GREB1L: variants seen among roughly 807,000 people sequenced by gnomAD.
GREB1L encodes GREB1 like retinoic acid receptor coactivator.
GREB1L carries 17 observed loss-of-function variants against 200.8 expected under a neutral mutation model. The ratio of observed to expected loss-of-function variants is 0.08; its 90% CI spans 0.06 to 0.13. The LOEUF is 0.13. Among genes scored for constraint, GREB1L ranks in the 10% least tolerant of loss-of-function variants. The pLI, the probability that GREB1L is intolerant of heterozygous loss-of-function variation, is 1.00. For missense variants in GREB1L, 1,657 were observed against 2,367.7 expected (o/e 0.70, Z 6.23); for synonymous variants, 789 against 893.0 (o/e 0.88, Z 2.08).
At chr18:21,392,579 T>TAAAAGTCA in intron 4 of GREB1L, among the ~76,000 whole-genome samples, 1 of 152,100 alleles carries the variant, frequency 6.6e-6, no homozygotes, top group South Asian at 2.1e-4. Flanking sequence ...AATTGACTTT[T>TAAAAGTCA]ATTAATGTTA....
At position 21,505,583 on chromosome 18, in the gene GREB1L, CA is replaced by C; in HGVS notation, c.4228+18del. The C allele has an allele frequency of 6.4e-7, 1 of 1,550,936 alleles. No individual in the cohort carries two copies. The highest frequency in any genetic ancestry group is 1.2e-5 in the South Asian group (1 of 84,032). On this transcript the variant is annotated intron_variant, in intron 24 of 32. Coordinates refer to ENST00000424526, the MANE Select transcript of GREB1L (RefSeq NM_001142966.3). Reference sequence around the variant, plus strand: ...GTCAAACAAGGTCAGTGCAATCAGCCAAGTTCACCTCCTCTCTGGGTTAAGG... The same window carrying C: ...GTCAAACAAGGTCAGTGCAATCAGCCAGTTCACCTCCTCTCTGGGTTAAGG...
intron 1 of GREB1L, among the ~76,000 whole-genome samples, chr18:21,309,551 C>A (rs2038758181): frequency 6.6e-6 from 1 of 152,136 alleles, no homozygotes; most frequent in Non-Finnish European, 1.5e-5. Flanking sequence ...ATCTAAGGGC[C>A]ATGGGGGTAG....
At chr18:21,397,049 T>C (rs1321583150) in intron 5 of GREB1L, among the ~76,000 whole-genome samples, 2 of 152,200 alleles carry the variant, frequency 1.3e-5, no homozygotes, top group Non-Finnish European at 2.9e-5. Flanking sequence ...TTCCTAGTTA[T>C]ATAGTGTCAT....
chr18:21,243,175 C>T (rs2037533575), intron 1 of GREB1L, among the ~76,000 whole-genome samples: 1 of 152,024 alleles, frequency 6.6e-6, no homozygotes, highest in Non-Finnish European at 1.5e-5. Flanking sequence ...GAGGGAGACT[C>T]GTTAAAGGAA....
chr18:21,338,927 G>A (rs190298102), intron 1 of GREB1L, among the ~76,000 whole-genome samples: 188 of 152,316 alleles, frequency 1.2e-3, no homozygotes, highest in African/African-American at 4.2e-3. Context: ...AGTGGCTTAC[G>A]CCTGTAATCC....
intron 25 of GREB1L, among the ~76,000 whole-genome samples, chr18:21,506,905 C>A (rs766221721): frequency 1.3e-5 from 2 of 152,178 alleles, no homozygotes; most frequent in Non-Finnish European, 2.9e-5. Flanking sequence ...TCCCCAAATT[C>A]ATCTTTATTT....
intron 19 of GREB1L, among the ~76,000 whole-genome samples, chr18:21,494,405 C>G (rs72882857): frequency 1.2e-4 from 19 of 152,112 alleles, no homozygotes; most frequent in Admixed American, 1.2e-3. Context: ...CTTTATTGAG[C>G]CTTTTCTTTA....
At position 21,464,551 on chromosome 18, in the gene GREB1L, A is replaced by G. The variant is rs549291983; in HGVS notation, c.2183-8480A>G. Among the ~76,000 whole-genome samples the G allele has an allele frequency of 2.9e-3, 437 of 151,890 alleles. 3 individuals carry two copies. In the South Asian group the frequency reaches 0.036, roughly 13 times the overall value. On this transcript the variant is annotated intron_variant, in intron 15 of 32. Transcript: ENST00000424526. Reference sequence around the variant, plus strand: ...GAGAGAGACACCATCTCAAAAAAAAAAAAAAAAAAAAAGTCAGGGAACAAA... The same window carrying G: ...GAGAGAGACACCATCTCAAAAAAAAGAAAAAAAAAAAAGTCAGGGAACAAA...
chr18:21,347,107 G>A (rs1189144905), intron 1 of GREB1L, among the ~76,000 whole-genome samples: 11 of 151,878 alleles, frequency 7.2e-5, no homozygotes, highest in Non-Finnish European at 1.2e-4. Flanking sequence ...GTGAAACCCC[G>A]TCTCTACTAA....
intron 1 of GREB1L, among the ~76,000 whole-genome samples, chr18:21,334,892 T>A (rs1322735161): frequency 6.6e-6 from 1 of 152,212 alleles, no homozygotes; most frequent in African/African-American, 2.4e-5. Context: ...TTAGAACATT[T>A]GAAGATAAAA....
intron 30 of GREB1L, among the ~76,000 whole-genome samples, 154 bp downstream of exon 30, chr18:21,516,908 C>A (rs552928595): frequency 7.4e-6 from 1 of 134,898 alleles, no homozygotes; most frequent in Non-Finnish European, 1.6e-5. Context: ...GACAGTCTGT[C>A]CCCTAGGCTG....
intron 15 of GREB1L, among the ~76,000 whole-genome samples, chr18:21,463,876 T>G (rs1382018132): frequency 6.6e-6 from 1 of 152,214 alleles, no homozygotes; most frequent in Non-Finnish European, 1.5e-5. Flanking sequence ...TGGAAACATT[T>G]CTGGAATATT....
rs1165382635 is a variant in GREB1L, at chr18:21,439,558, C to T, written c.870C>T (p.Gly290=). 2 of 1,550,318 alleles carry T rather than the reference C, an allele frequency of 1.3e-6. No individual in the cohort carries two copies. The highest frequency in any genetic ancestry group is 2.7e-5 in the African/African-American group (2 of 73,022). Residue 290 remains glycine, a synonymous_variant, in exon 8 of 33, where the codon GGC becomes GGT. Transcript: ENST00000424526. The stretch of plus-strand genomic sequence containing the variant: ...GAAACAGTAGCCATGGAGGGAAGGG[C>T]AGTGCATCCAGCTCCACTCCAGCCC... The part of the protein sequence containing the change: ...ANGNSSHGGK[G]SASSSTPAHT...
chr18:21,449,846 T>G lies in GREB1L; in HGVS notation c.1720+10T>G. On this transcript the variant is annotated intron_variant, in intron 12 of 32. Coordinates refer to ENST00000424526, the MANE Select transcript of GREB1L (RefSeq NM_001142966.3). The stretch of plus-strand genomic sequence containing the variant: ...TGTGTGGTAGTGTTAGGTGAGTAAT[T>G]TTTTTGTTTTTTGTTTGTTTAATCA... 1 of 1,477,448 alleles carries G rather than the reference T, an allele frequency of 6.8e-7. No individual in the cohort carries two copies. Among genetic ancestry groups the G allele is most frequent in the South Asian group, 1.4e-5 (1 of 71,764 alleles). 91.5% of individuals were successfully genotyped at this position (1,477,448 alleles called of 1,614,324 possible).
chr18:21,428,332 C>CTTTTTTTTTTTTTTTTTTTTTT (rs59982674), intron 7 of GREB1L, among the ~76,000 whole-genome samples: 7 of 54,036 alleles, frequency 1.3e-4, no homozygotes, highest in Admixed American at 2.3e-4. Context: ...GTCTTTTTGT[C>CTTTTTTTTTTTTTTTTTTTTTT]TTTTTTTTTT....
At chr18:21,242,582 C>G (rs1326569248) in intron 1 of GREB1L, among the ~76,000 whole-genome samples, 189 bp downstream of exon 1, 2 of 152,078 alleles carry the variant, frequency 1.3e-5, no homozygotes, top group Non-Finnish European at 2.9e-5. Context: ...GGAGCGCGTG[C>G]GGGTGGCGAG....
chr18:21,368,763 T>C (rs2039765374), intron 2 of GREB1L, among the ~76,000 whole-genome samples: 1 of 152,162 alleles, frequency 6.6e-6, no homozygotes, highest in Non-Finnish European at 1.5e-5. Flanking sequence ...TGTAATTACT[T>C]TGGGAATTTA....
At position 21,483,751 on chromosome 18, in the gene GREB1L, T is replaced by C. The variant is rs533431444; in HGVS notation, c.2557-1869T>C. ...CAGCACTTTGGGAGGCCGAGGCAGG[T>C]TGATCACCTGAGATCAGGAATTCGA... On this transcript the variant is annotated intron_variant, in intron 17 of 32. Coordinates refer to ENST00000424526, the MANE Select transcript of GREB1L (RefSeq NM_001142966.3). Among the ~76,000 whole-genome samples the C allele has an allele frequency of 3.3e-5, 5 of 152,062 alleles. No individual in the cohort carries two copies. The East Asian group carries it at 9.7e-4, about 29-fold the overall frequency.
intron 1 of GREB1L, among the ~76,000 whole-genome samples, chr18:21,319,290 G>A (rs561417880): frequency 3.3e-5 from 5 of 152,178 alleles, no homozygotes; most frequent in African/African-American, 9.7e-5. Flanking sequence ...CCAAATTGAC[G>A]AAGCCCAATC....
Sources: allele counts gnomAD v4.1 joint callset (sites outside exome capture counted in the v4.1 genomes callset), GRCh38; gene constraint gnomAD v4.1.1; transcripts MANE v1.5; gene names NCBI Gene and HGNC (gene_info 2026-07-23, HGNC 2026-07-21).